Variants in PDGFD observed in about 807,000 individuals in gnomAD.
The protein encoded by PDGFD is platelet derived growth factor D.
PDGFD carries 30 observed loss-of-function variants against 44.7 expected under a neutral mutation model. That is an observed-to-expected ratio of 0.67 (90% confidence interval 0.50 to 0.91). PDGFD has a LOEUF of 0.91. PDGFD is among the 40% of genes least tolerant of loss of function. PDGFD has a pLI of 0.00. For synonymous variants in PDGFD, 173 were observed against 168.4 expected, an observed-to-expected ratio of 1.03 and a Z score of -0.21; for missense variants, 445 against 457.8, an observed-to-expected ratio of 0.97 and a Z score of 0.25.
intron 3 of PDGFD, among the ~76,000 whole-genome samples, chr11:103,951,410 T>G (rs1464335611): frequency 6.6e-6 from 1 of 152,182 alleles, no homozygotes; most frequent in Non-Finnish European, 1.5e-5. Flanking sequence ...CTGTTAGCTC[T>G]TCCCCTAGGG....
chr11:104,058,218 CTGAG>C (rs1369806390), intron 1 of PDGFD, among the ~76,000 whole-genome samples: 1 of 152,148 alleles, frequency 6.6e-6, no homozygotes, highest in Non-Finnish European at 1.5e-5. Flanking sequence ...AGTTAAACCT[CTGAG>C]TGGGAGAAAT....
chr11:103,992,257 C>T (rs1275443888), intron 3 of PDGFD, among the ~76,000 whole-genome samples: 1 of 152,042 alleles, frequency 6.6e-6, no homozygotes, highest in Non-Finnish European at 1.5e-5. Flanking sequence ...TTTCAACAAA[C>T]ACACGGTCTA....
intron 3 of PDGFD, among the ~76,000 whole-genome samples, chr11:103,957,013 G>A (rs919122101): frequency 6.6e-6 from 1 of 152,116 alleles, no homozygotes; most frequent in African/African-American, 2.4e-5. Context: ...TAGTTTGCCT[G>A]TTCACTCTGA....
At chr11:103,963,684 A>G (rs1050212484) in intron 3 of PDGFD, among the ~76,000 whole-genome samples, 1 of 152,214 alleles carries the variant, frequency 6.6e-6, no homozygotes, top group Non-Finnish European at 1.5e-5. Context: ...GTAAATTACC[A>G]TCTATATATC....
chr11:103,914,959 G>C (rs1348210475), intron 6 of PDGFD, among the ~76,000 whole-genome samples: 1 of 152,098 alleles, frequency 6.6e-6, no homozygotes, highest in Non-Finnish European at 1.5e-5. Context: ...AAAATAATAA[G>C]AGCTATTTAT....
intron 5 of PDGFD, among the ~76,000 whole-genome samples, chr11:103,940,344 C>A (rs943055099): frequency 6.6e-6 from 1 of 152,048 alleles, no homozygotes; most frequent in East Asian, 1.9e-4. Context: ...CTGCTCTTTG[C>A]AATCATGAAA....
At chr11:104,038,019 G>C (rs756117981) in intron 1 of PDGFD, 18 of 1,605,568 alleles carry the variant, frequency 1.1e-5, no homozygotes, top group Non-Finnish European at 1.5e-5. Context: ...ATTAAAGCAC[G>C]TTATAAATAT....
At chr11:104,133,327 G>T (rs1861951720) in intron 1 of PDGFD, among the ~76,000 whole-genome samples, 1 of 152,072 alleles carries the variant, frequency 6.6e-6, no homozygotes, top group African/African-American at 2.4e-5. Context: ...GAAGAGTTTG[G>T]CATGATTTTT....
chr11:104,028,173 G>T (rs1461508137), intron 1 of PDGFD, among the ~76,000 whole-genome samples: 1 of 133,448 alleles, frequency 7.5e-6, no homozygotes, highest in South Asian at 2.5e-4. Context: ...CTGGGCAACA[G>T]AGCGAGACTC....
chr11:103,933,211 T>C (rs1462406637), intron 5 of PDGFD, among the ~76,000 whole-genome samples: 3 of 152,140 alleles, frequency 2.0e-5, no homozygotes, highest in Non-Finnish European at 4.4e-5. Context: ...GAGGGGACTA[T>C]AGGAATAATT....
chr11:103,922,153 T>C (rs939211454), intron 6 of PDGFD, among the ~76,000 whole-genome samples: 1 of 152,150 alleles, frequency 6.6e-6, no homozygotes, highest in Admixed American at 6.5e-5. Context: ...GGGCACCAAA[T>C]CATGAAAAAC....
In PDGFD at chr11:104,070,361, G is replaced by T. The variant is rs115416952; in HGVS notation, c.125-70106C>A. On this transcript the variant is annotated intron_variant, in intron 1 of 6. Transcript: ENST00000393158. ...CATCTAATACAAATCCAACAGCACA[G>T]GGTTCATTCTAACTTTTTTCTTTCT... is the stretch of plus-strand genomic sequence containing the variant. Among the ~76,000 whole-genome samples, 537 of 152,184 alleles carry T rather than the reference G, an allele frequency of 3.5e-3. 2 individuals are homozygous for T. The highest frequency in any genetic ancestry group is 0.012 in the African/African-American group (519 of 41,534).
At chr11:103,925,663 A>ATG (rs1208689880) in intron 6 of PDGFD, among the ~76,000 whole-genome samples, 16 of 134,130 alleles carry the variant, frequency 1.2e-4, no homozygotes, top group East Asian at 1.1e-3. Context: ...CTCTCTCTCT[A>ATG]TGTGTGTGTG....
intron 1 of PDGFD, among the ~76,000 whole-genome samples, chr11:104,113,781 G>A (rs1405635033): frequency 1.3e-5 from 2 of 151,932 alleles, no homozygotes; most frequent in Non-Finnish European, 2.9e-5. Flanking sequence ...TCAGCATTTG[G>A]TGTTATCACT....
intron 3 of PDGFD, among the ~76,000 whole-genome samples, chr11:103,964,475 T>A (rs1448063246): frequency 1.3e-5 from 2 of 152,174 alleles, no homozygotes; most frequent in Non-Finnish European, 2.9e-5. Flanking sequence ...CAGGACTAGA[T>A]CCCATGTCTC....
At chr11:103,939,087 T>TG in intron 5 of PDGFD, among the ~76,000 whole-genome samples, 1 of 152,132 alleles carries the variant, frequency 6.6e-6, no homozygotes, top group African/African-American at 2.4e-5. Context: ...TCCAATTCTG[T>TG]GAAGAAAGTA....
At chr11:103,953,850 C>T (rs925533088) in intron 3 of PDGFD, among the ~76,000 whole-genome samples, 9 of 152,302 alleles carry the variant, frequency 5.9e-5, no homozygotes, top group South Asian at 4.1e-4. Flanking sequence ...GACTACAAAG[C>T]GTTCTAGCAT....
chr11:103,945,986 T>C (rs918571483), intron 4 of PDGFD: 4 of 152,220 alleles, frequency 2.6e-5, no homozygotes, highest in African/African-American at 7.2e-5. Flanking sequence ...CAAGAACATT[T>C]TGGTTTCTGA....
chr11:104,054,282 A>G (rs1860588556), intron 1 of PDGFD, among the ~76,000 whole-genome samples: 2 of 152,198 alleles, frequency 1.3e-5, no homozygotes, highest in South Asian at 4.1e-4. Flanking sequence ...TAGTTTGGCT[A>G]CTCAATGTCC....
Sources: gnomAD v4.1 joint callset for allele counts (sites outside exome capture counted in the v4.1 genomes callset) on GRCh38, gnomAD v4.1.1 for gene constraint, MANE v1.5 for transcripts, NCBI Gene and HGNC (gene_info 2026-07-23, HGNC 2026-07-21) for gene names.